The following KRABD3 variants were observed in gnomAD, a reference collection of about 807,000 sequenced individuals.
KRABD3 encodes KRAB domain containing 3.
At chr7:149,724,685 C>G in the KRABD3 span, 1 of 1,548,068 alleles carries the variant, frequency 6.5e-7, no homozygotes, top group Non-Finnish European at 8.7e-7. Flanking sequence ...CCTCCCCATC[C>G]TGATCTTGGA....
chr7:149,721,267 T>C, the KRABD3 span: 1 of 1,291,978 alleles, frequency 7.7e-7, no homozygotes, highest in South Asian at 1.5e-5. Flanking sequence ...AACACATAGG[T>C]GGCTGACATC....
At chr7:149,722,859 C>G in the KRABD3 span, 5 of 1,613,542 alleles carry the variant, frequency 3.1e-6, no homozygotes, top group African/African-American at 6.7e-5. Flanking sequence ...GGCCCCGGCA[C>G]CCCGAGACAT....
At chr7:149,726,634 C>T in the KRABD3 span, among the ~76,000 whole-genome samples, 24 of 151,854 alleles carry the variant, frequency 1.6e-4, no homozygotes, top group African/African-American at 4.1e-4. Context: ...GAAGAAGTTT[C>T]GCCATGTTGG....
At chr7:149,720,245 A>G in the KRABD3 span, 18 of 1,156,326 alleles carry the variant, frequency 1.6e-5, no homozygotes, top group African/African-American at 1.4e-4. Context: ...CCCTACTGCA[A>G]CCTCCCAAGC....
chr7:149,724,191 G>A, the KRABD3 span, among the ~76,000 whole-genome samples: 2 of 152,196 alleles, frequency 1.3e-5, no homozygotes, highest in South Asian at 4.1e-4. Context: ...CACACACGCA[G>A]CTCCTCATTG....
the KRABD3 span, chr7:149,715,392 C>T: frequency 5.4e-6 from 6 of 1,118,750 alleles, no homozygotes; most frequent in Non-Finnish European, 6.6e-6. Flanking sequence ...AATCCTGGAT[C>T]CCGGGGGCTG....
chr7:149,715,089 C>G, the KRABD3 span: 1 of 1,230,818 alleles, frequency 8.1e-7, no homozygotes, highest in South Asian at 4.1e-5. Flanking sequence ...GACGCGCGGA[C>G]CCCTCGGCGC....
the KRABD3 span, among the ~76,000 whole-genome samples, chr7:149,732,871 C>T: frequency 6.6e-6 from 1 of 152,090 alleles, no homozygotes; most frequent in East Asian, 1.9e-4. This position sits in a 1 kb window ranked among gnomAD's most constrained non-coding sequence, Gnocchi z 4.0. Flanking sequence ...TCACTGACTC[C>T]TAGGGCAGGG....
chr7:149,722,432 C>A, the KRABD3 span: 1 of 1,606,482 alleles, frequency 6.2e-7, no homozygotes, highest in Non-Finnish European at 8.5e-7. Flanking sequence ...AAACTGCCGA[C>A]AAACCGTGGC....
chr7:149,723,663 C>T, the KRABD3 span: 80 of 1,499,308 alleles, frequency 5.3e-5, no homozygotes, highest in Non-Finnish European at 6.9e-5. Context: ...CTAACTTGTC[C>T]CCTGTTTGTT....
the KRABD3 span, chr7:149,719,940 G>A: frequency 6.8e-7 from 1 of 1,480,160 alleles, no homozygotes; most frequent in Non-Finnish European, 9.0e-7. The surrounding 1 kb of genome is among the most constrained non-coding windows in gnomAD (Gnocchi z 5.6). Flanking sequence ...GGCCTGGGCT[G>A]CTATGCAACT....
the KRABD3 span, among the ~76,000 whole-genome samples, chr7:149,718,189 T>C: frequency 1.3e-5 from 2 of 152,118 alleles, no homozygotes; most frequent in Non-Finnish European, 2.9e-5. Context: ...GGAGAACCAC[T>C]TGAGCCCAGG....
the KRABD3 span, chr7:149,724,523 T>C: frequency 4.5e-5 from 26 of 582,194 alleles, no homozygotes; most frequent in East Asian, 8.2e-4. Context: ...GTGACAGCAG[T>C]CTGAGCCGGT....
chr7:149,720,665 G>A, the KRABD3 span, among the ~76,000 whole-genome samples: 2 of 152,256 alleles, frequency 1.3e-5, no homozygotes, highest in Non-Finnish European at 2.9e-5. Context: ...TGGCCAGAGC[G>A]CCTGGCCTGA....
At chr7:149,733,747 CCAGCAGCTGCTGTCCT>C in the KRABD3 span, 3 of 1,586,716 alleles carry the variant, frequency 1.9e-6, no homozygotes, top group South Asian at 1.1e-5. Context: ...GCAGCTCTTC[CCAGCAGCTGCTGTCCT>C]CTACACCCAG....
chr7:149,733,945 G>A, the KRABD3 span: 8 of 1,598,976 alleles, frequency 5.0e-6, no homozygotes, highest in Non-Finnish European at 6.8e-6. Flanking sequence ...GGATCCCAGA[G>A]CGGCCCAAGG....
the KRABD3 span, chr7:149,730,111 G>A: frequency 3.4e-6 from 5 of 1,461,114 alleles, no homozygotes; most frequent in African/African-American, 5.7e-5. Flanking sequence ...GCTCTCTTCA[G>A]GCTGATGACA....
At chr7:149,734,104 G>A in the KRABD3 span, 15 of 1,532,930 alleles carry the variant, frequency 9.8e-6, no homozygotes, top group Admixed American at 2.9e-4. Context: ...TGGTGGCGTG[G>A]AAGCCCTGTC....
At chr7:149,722,412 C>T in the KRABD3 span, 1 of 1,600,848 alleles carries the variant, frequency 6.2e-7, no homozygotes, top group South Asian at 1.1e-5. Flanking sequence ...CTTGTCTTCT[C>T]CTGCAACAGA....
Sources: gnomAD v4.1 joint callset for allele counts (sites outside exome capture counted in the v4.1 genomes callset) on GRCh38, gnomAD v4.1.1 for gene constraint, Gnocchi (gnomAD v3.1) non-coding constraint, MANE v1.5 for transcripts, NCBI Gene and HGNC (gene_info 2026-07-23, HGNC 2026-07-21) for gene names.